The following KRTAP2-3 variants were observed in gnomAD, a reference collection of about 807,000 sequenced individuals.
The protein encoded by KRTAP2-3 is keratin associated protein 2-3, also known as keratin-associated protein 2-3.
A neutral mutation model predicts 11.2 loss-of-function variants in KRTAP2-3; 9 were observed. The observed-to-expected ratio is 0.80, with a 90% CI of 0.48 to 1.40. KRTAP2-3 has a LOEUF of 1.40. Among genes scored for constraint, KRTAP2-3 ranks in the 40% most tolerant of loss-of-function variants. KRTAP2-3 has a pLI of 0.00. For missense variants in KRTAP2-3, 93 were observed against 176.8 expected, an observed-to-expected ratio of 0.53 and a Z score of 2.69; for synonymous variants, 45 against 76.2, an observed-to-expected ratio of 0.59 and a Z score of 2.13.
In KRTAP2-3 at chr17:41,059,611, C is replaced by G; in HGVS notation, c.*53G>C. On this transcript the variant is annotated 3_prime_UTR_variant, in exon 1 of 1. Coordinates refer to ENST00000391418, the MANE Select transcript of KRTAP2-3 (RefSeq NM_001165252.2). ...TCCAGAAGGGGTAGAAGAGTCTGCA[C>G]AAGCTTCTGTGCACCTGGGAATGTT... 1 of 1,541,312 alleles carries G rather than the reference C, an allele frequency of 6.5e-7. No individual in the cohort carries two copies. Among genetic ancestry groups the G allele is most frequent in the East Asian group, 2.5e-5 (1 of 40,754 alleles).
rs1295974905 is a variant in KRTAP2-3 at position 41,059,859 on chromosome 17, G to T, written c.192C>A (p.Cys64Ter). ...AGCCTTCCTGCAGGGAGCAGGGGTC[G>T]CAGCACACCGGGCGGCGGCAGGGCT... Reference protein sequence around the residue: ...ICEPCRRPVCCDPCSLQEGCC... With the variant: ...ICEPCRRPVC The change falls in exon 1 of 1, where the codon TGC becomes TGA. Residue 64 changes from cysteine to a stop codon, truncating the protein, a stop_gained. Transcript: ENST00000391418. LOFTEE classifies it high-confidence loss of function. The T allele has an allele frequency of 1.3e-6, 2 of 1,522,062 alleles. No homozygotes were observed. The highest frequency in any genetic ancestry group is 2.8e-5 in the African/African-American group (2 of 72,688). The allele number at this position is 1,522,062 out of a possible 1,614,324, so 94.3% of individuals were successfully genotyped here.
At position 41,059,324 on chromosome 17, in the gene KRTAP2-3, T is replaced by C. The variant is rs533431376; in HGVS notation, c.*340A>G. The C allele has an allele frequency of 0.026, 9,455 of 357,220 alleles. 851 individuals are homozygous for C. Among genetic ancestry groups the C allele is most frequent in the African/African-American group, 0.19 (8,729 of 46,804 alleles). The allele number at this position is 357,220 out of a possible 1,614,324, so 22.1% of individuals were successfully genotyped here. A position where few individuals can be genotyped will look rare whatever the true frequency, so the allele number is the denominator to read the frequency against. On this transcript the variant is annotated 3_prime_UTR_variant, in exon 1 of 1. Transcript: ENST00000391418. Reference sequence around the variant, plus strand: ...ATAGTATTATCCTGGAAGAAAAAAATCTCATCTGAGAACCTTGAAACAGTA... The same window carrying C: ...ATAGTATTATCCTGGAAGAAAAAAACCTCATCTGAGAACCTTGAAACAGTA...
rs768853951 is a variant in KRTAP2-3, at chr17:41,059,841, C to T, written c.210G>A (p.Gln70=). The T allele has an allele frequency of 1.3e-6, 2 of 1,530,554 alleles. No homozygotes were observed. Among genetic ancestry groups the T allele is most frequent in the African/African-American group, 2.7e-5 (2 of 72,844 alleles). 94.8% of individuals were successfully genotyped at this position (1,530,554 alleles called of 1,614,324 possible). ...AGGTGATGGGGCGGCAGCAGCCTTCCTGCAGGGAGCAGGGGTCGCAGCACA... is the reference window on the plus strand; with the variant it reads ...AGGTGATGGGGCGGCAGCAGCCTTCTTGCAGGGAGCAGGGGTCGCAGCACA... ...RPVCCDPCSL[Q]EGCCRPITCC... The change falls in exon 1 of 1, where the codon CAG becomes CAA. Residue 70 remains glutamine (Q), a synonymous_variant. Transcript: ENST00000391418.
At position 41,059,585 on chromosome 17, in the gene KRTAP2-3, A is replaced by G. The variant is rs2013141695; in HGVS notation, c.*79T>C. On this transcript the variant is annotated 3_prime_UTR_variant, in exon 1 of 1. Transcript: ENST00000391418. ...CTGCAAAGGTGGAGTCTCTCATCTGATCCAGAAGGGGTAGAAGAGTCTGCA... is the reference window on the plus strand; with the variant it reads ...CTGCAAAGGTGGAGTCTCTCATCTGGTCCAGAAGGGGTAGAAGAGTCTGCA... 4 of 1,511,428 alleles carry G rather than the reference A, an allele frequency of 2.6e-6. No individual in the cohort carries two copies. The Admixed American group carries it at 6.2e-5, about 23-fold the overall frequency. 93.6% of individuals were successfully genotyped at this position (1,511,428 alleles called of 1,614,324 possible). A position where few individuals can be genotyped will look rare whatever the true frequency, so the allele number is the denominator to read the frequency against.
At position 41,059,445 on chromosome 17, in the gene KRTAP2-3, G is replaced by T; in HGVS notation, c.*219C>A. On this transcript the variant is annotated 3_prime_UTR_variant, in exon 1 of 1. Transcript: ENST00000391418. ...TTTTTTTCAAGCCAGGAATTCGAAT[G>T]ATGAAAGCTGGAATTTTTCTCAAGA... 3.7e-6 allele frequency: 3 copies of T among 806,366 alleles called. No individual in the cohort carries two copies. The highest frequency in any genetic ancestry group is 5.4e-6 in the Non-Finnish European group (3 of 555,488). 50.0% of individuals were successfully genotyped at this position (806,366 alleles called of 1,614,324 possible).
rs2013142259 is a variant in KRTAP2-3 at position 41,059,610 on chromosome 17, A to C, written c.*54T>G. On this transcript the variant is annotated 3_prime_UTR_variant, in exon 1 of 1. Coordinates refer to ENST00000391418, the MANE Select transcript of KRTAP2-3 (RefSeq NM_001165252.2). ...ATCCAGAAGGGGTAGAAGAGTCTGC[A>C]CAAGCTTCTGTGCACCTGGGAATGT... 6.5e-7 allele frequency: 1 copy of C among 1,541,322 alleles called. No homozygotes were observed. The highest frequency in any genetic ancestry group is 8.8e-7 in the Non-Finnish European group (1 of 1,140,958).
chr17:41,060,045 G>A lies in KRTAP2-3; in HGVS notation c.6C>T (p.Thr2=). The A allele has an allele frequency of 2.6e-6, 4 of 1,534,692 alleles. No homozygotes were observed. The highest frequency in any genetic ancestry group is 1.2e-5 in the South Asian group (1 of 82,906). The change falls in exon 1 of 1, where the codon ACC becomes ACT. Residue 2 remains threonine, a synonymous_variant. Coordinates refer to ENST00000391418, the MANE Select transcript of KRTAP2-3 (RefSeq NM_001165252.2). ...ACAAGGTGGAGCCGCAGCAGGAGCC[G>A]GTCATGGTGGTGTCTGAGGCTGGTG... M[T]GSCCGSTLSS...
rs1410618881 is a variant in KRTAP2-3, at chr17:41,059,616, T to C, written c.*48A>G. ...AAGGGGTAGAAGAGTCTGCACAAGC[T>C]TCTGTGCACCTGGGAATGTTTCGTG... On this transcript the variant is annotated 3_prime_UTR_variant, in exon 1 of 1. Coordinates refer to ENST00000391418, the MANE Select transcript of KRTAP2-3 (RefSeq NM_001165252.2). The C allele has an allele frequency of 1.3e-6, 2 of 1,543,982 alleles. No homozygotes were observed. Among genetic ancestry groups the C allele is most frequent in the East Asian group, 4.9e-5 (2 of 40,800 alleles).
chr17:41,059,555 C>T lies in KRTAP2-3; in HGVS notation c.*109G>A, dbSNP rs2013141109. The T allele has an allele frequency of 7.5e-6, 11 of 1,457,068 alleles. No homozygotes were observed. The South Asian group carries it at 1.5e-4, about 20-fold the overall frequency. 90.3% of individuals were successfully genotyped at this position (1,457,068 alleles called of 1,614,324 possible). A position where few individuals can be genotyped will look rare whatever the true frequency, so the allele number is the denominator to read the frequency against. Reference sequence around the variant, plus strand: ...TGTTGAATTCGTGCTTGAGGATCAGCTAGGCTGCAAAGGTGGAGTCTCTCA... The same window carrying T: ...TGTTGAATTCGTGCTTGAGGATCAGTTAGGCTGCAAAGGTGGAGTCTCTCA... On this transcript the variant is annotated 3_prime_UTR_variant, in exon 1 of 1. Transcript: ENST00000391418.
rs967707908 is a variant in KRTAP2-3, at chr17:41,059,800, C to T, written c.251G>A (p.Cys84Tyr). 4.5e-6 allele frequency: 7 copies of T among 1,541,600 alleles called. No individual in the cohort carries two copies. In the East Asian group the frequency reaches 1.5e-4, roughly 32 times the overall value. Residue 84 changes from cysteine (C) to tyrosine (Y), a missense_variant, in exon 1 of 1, where the codon TGC becomes TAC. Transcript: ENST00000391418. ...GCAGGGCCTGCACACCACAGCCGTG[C>T]ACGACGAGGGGCAGCAGGTGATGGG... ...CRPITCCPSS[C>Y]TAVVCRPCCW...
rs534092797 is a variant in KRTAP2-3, at chr17:41,059,660, G to T, written c.*4C>A. The T allele has an allele frequency of 1.0e-3, 1,619 of 1,553,404 alleles. 17 individuals are homozygous for T. In the African/African-American group the frequency reaches 0.019, roughly 18 times the overall value. The stretch of plus-strand genomic sequence containing the variant: ...TTTCGTGCGTTGAGAGGAGAGGTGG[G>T]GTCTCAGCAGGAGGAGGTCCTGCAG... On this transcript the variant is annotated 3_prime_UTR_variant, in exon 1 of 1. Transcript: ENST00000391418.
rs35967934 is a variant in KRTAP2-3 at position 41,059,316 on chromosome 17, GA to G, written c.*347del. The G allele has an allele frequency of 0.062, 21,118 of 342,926 alleles. 4,240 individuals are homozygous for G. Among genetic ancestry groups the G allele is most frequent in the African/African-American group, 0.42 (19,302 of 46,446 alleles). The allele number at this position is 342,926 out of a possible 1,614,324, so 21.2% of individuals were successfully genotyped here. Reference sequence around the variant, plus strand: ...GCATACAAATAGTATTATCCTGGAAGAAAAAAATCTCATCTGAGAACCTTGA... The same window carrying G: ...GCATACAAATAGTATTATCCTGGAAGAAAAAATCTCATCTGAGAACCTTGA... On this transcript the variant is annotated 3_prime_UTR_variant, in exon 1 of 1. Coordinates refer to ENST00000391418, the MANE Select transcript of KRTAP2-3 (RefSeq NM_001165252.2).
chr17:41,059,811 G>T lies in KRTAP2-3; in HGVS notation c.240C>A (p.Cys80Ter), dbSNP rs1253512152. 3 of 1,538,372 alleles carry T rather than the reference G, an allele frequency of 2.0e-6. No homozygotes were observed. Among genetic ancestry groups the T allele is most frequent in the Non-Finnish European group, 1.7e-6 (2 of 1,144,122 alleles). Residue 80 changes from cysteine to a stop codon, truncating the protein, a stop_gained, in exon 1 of 1, where the codon TGC (cysteine) becomes TGA (stop). Coordinates refer to ENST00000391418, the MANE Select transcript of KRTAP2-3 (RefSeq NM_001165252.2). LOFTEE classifies it high-confidence loss of function. ...QEGCCRPITCCPSSCTAVVCR... is the reference protein window; with the variant it reads ...QEGCCRPITC ...ACACCACAGCCGTGCACGACGAGGGGCAGCAGGTGATGGGGCGGCAGCAGC... is the reference window on the plus strand; with the variant it reads ...ACACCACAGCCGTGCACGACGAGGGTCAGCAGGTGATGGGGCGGCAGCAGC...
rs772866341 is a variant in KRTAP2-3 at position 41,059,722 on chromosome 17, C to A, written c.329G>T (p.Arg110Leu). The A allele has an allele frequency of 1.3e-6, 2 of 1,556,208 alleles. No homozygotes were observed. Among genetic ancestry groups the A allele is most frequent in the Non-Finnish European group, 1.7e-6 (2 of 1,150,120 alleles). Reference sequence around the variant, plus strand: ...AGGGGTCGGCTGGCCGCAGGGAGGCCGGCAGCAGGGGGACTGCACAGACAC... The same window carrying A: ...AGGGGTCGGCTGGCCGCAGGGAGGCAGGCAGCAGGGGGACTGCACAGACAC... ...QPVSVQSPCC[R>L]PPCGQPTPCS... The change falls in exon 1 of 1, where the codon CGG becomes CTG. Residue 110 changes from arginine (R) to leucine (L), a missense_variant. Physicochemically the swap from Arg to Leu is moderately radical, Grantham distance 102. Coordinates refer to ENST00000391418, the MANE Select transcript of KRTAP2-3 (RefSeq NM_001165252.2).
rs12936757 is a variant in KRTAP2-3 at position 41,059,416 on chromosome 17, G to T, written c.*248C>A. 11 of 587,622 alleles carry T rather than the reference G, an allele frequency of 1.9e-5. No individual in the cohort carries two copies. The highest frequency in any genetic ancestry group is 1.4e-4 in the African/African-American group (7 of 51,724). The allele number at this position is 587,622 out of a possible 1,614,324, so 36.4% of individuals were successfully genotyped here. ...GAGGAGCTTTGATTTTTATTTACTC[G>T]TTTTTTTTTTCAAGCCAGGAATTCG... On this transcript the variant is annotated 3_prime_UTR_variant, in exon 1 of 1. Transcript: ENST00000391418.
In KRTAP2-3 at chr17:41,059,538, T is replaced by C. The variant is rs971147599; in HGVS notation, c.*126A>G. 2.3e-4 allele frequency: 319 copies of C among 1,406,590 alleles called. 4 individuals carry two copies. The highest frequency in any genetic ancestry group is 2.9e-4 in the Non-Finnish European group (301 of 1,055,540). The allele number at this position is 1,406,590 out of a possible 1,614,324, so 87.1% of individuals were successfully genotyped here. A position where few individuals can be genotyped will look rare whatever the true frequency, so the allele number is the denominator to read the frequency against. On this transcript the variant is annotated 3_prime_UTR_variant, in exon 1 of 1. Coordinates refer to ENST00000391418, the MANE Select transcript of KRTAP2-3 (RefSeq NM_001165252.2). ...AATAGATAGGATGTTATTGTTGAAT[T>C]CGTGCTTGAGGATCAGCTAGGCTGC...
Position 41,060,096 on chromosome 17 carries a change from G to T in KRTAP2-3, c.-46C>A. 5 of 1,544,388 alleles carry T rather than the reference G, an allele frequency of 3.2e-6. No homozygotes were observed. Among genetic ancestry groups the T allele is most frequent in the Non-Finnish European group, 4.4e-6 (5 of 1,144,764 alleles). On this transcript the variant is annotated 5_prime_UTR_variant, in exon 1 of 1. Transcript: ENST00000391418. ...TGGGTTGGGCTGTTGAGAGGAGCTGGATGTTCTCAGGTGTGAATGTCCTCG... is the reference window on the plus strand; with the variant it reads ...TGGGTTGGGCTGTTGAGAGGAGCTGTATGTTCTCAGGTGTGAATGTCCTCG...
rs2143807536 is a variant in KRTAP2-3 at position 41,059,593 on chromosome 17, G to C, written c.*71C>G. 1 of 1,517,774 alleles carries C rather than the reference G, an allele frequency of 6.6e-7. No individual in the cohort carries two copies. Among genetic ancestry groups the C allele is most frequent in the South Asian group, 1.3e-5 (1 of 79,446 alleles). 94.0% of individuals were successfully genotyped at this position (1,517,774 alleles called of 1,614,324 possible). ...GTGGAGTCTCTCATCTGATCCAGAA[G>C]GGGTAGAAGAGTCTGCACAAGCTTC... On this transcript the variant is annotated 3_prime_UTR_variant, in exon 1 of 1. Coordinates refer to ENST00000391418, the MANE Select transcript of KRTAP2-3 (RefSeq NM_001165252.2).
chr17:41,059,457 A>T lies in KRTAP2-3; in HGVS notation c.*207T>A. 2.2e-6 allele frequency: 2 copies of T among 910,436 alleles called. No individual in the cohort carries two copies. The highest frequency in any genetic ancestry group is 2.8e-5 in the South Asian group (1 of 36,232). The allele number at this position is 910,436 out of a possible 1,614,324, so 56.4% of individuals were successfully genotyped here. ...CAGGAATTCGAATGATGAAAGCTGG[A>T]ATTTTTCTCAAGATTGTCAGAGAGG... On this transcript the variant is annotated 3_prime_UTR_variant, in exon 1 of 1. Transcript: ENST00000391418.
Sources: gnomAD v4.1 joint callset for allele counts on GRCh38, gnomAD v4.1.1 for gene constraint, MANE v1.5 for transcripts, NCBI Gene and HGNC (gene_info 2026-07-23, HGNC 2026-07-21) for gene names.